PTPN12: variants seen among roughly 807,000 people sequenced by gnomAD.
PTPN12 encodes the protein protein tyrosine phosphatase non-receptor type 12.
In PTPN12, 29 loss-of-function variants were observed where a neutral mutation model predicts 97.6. The observed-to-expected ratio is 0.30, with a 90% CI of 0.22 to 0.41. The LOEUF (loss-of-function observed/expected upper bound fraction) is 0.41. Among genes scored for constraint, PTPN12 ranks in the 10% least tolerant of loss-of-function variants. The pLI, the probability that PTPN12 is intolerant of heterozygous loss-of-function variation, is 1.00. For synonymous variants in PTPN12, 327 were observed against 300.4 expected, an observed-to-expected ratio of 1.09 and a Z score of -0.91; for missense variants, 819 against 926.0, an observed-to-expected ratio of 0.88 and a Z score of 1.50.
At chr7:77,562,753 A>C (rs1459457896) in intron 1 of PTPN12, among the ~76,000 whole-genome samples, 1 of 152,186 alleles carries the variant, frequency 6.6e-6, no homozygotes, top group African/African-American at 2.4e-5. Context: ...CTTTCCATTT[A>C]TTGTATTAGA....
intron 1 of PTPN12, chr7:77,537,945 G>C (rs1806739456): frequency 1.3e-5 from 10 of 758,090 alleles, no homozygotes; most frequent in Non-Finnish European, 1.7e-5. Context: ...ATTGTTTACC[G>C]GGCCGGGAGC....
At chr7:77,618,665 AC>A (rs2151384462) in intron 12 of PTPN12, 100 bp downstream of exon 12, 3 of 792,102 alleles carry the variant, frequency 3.8e-6, no homozygotes, top group Admixed American at 5.2e-5. Context: ...TACTTTTATA[AC>A]TTTTATTATT....
At chr7:77,605,038 T>TTA (rs1562743003) in intron 8 of PTPN12, 1 of 172,430 alleles carries the variant, frequency 5.8e-6, no homozygotes, top group Non-Finnish European at 1.3e-5. Flanking sequence ...CTATCAAATT[T>TTA]TAGATATATA....
chr7:77,558,324 T>G (rs1807823331), intron 1 of PTPN12, among the ~76,000 whole-genome samples: 1 of 152,168 alleles, frequency 6.6e-6, no homozygotes, highest in South Asian at 2.1e-4. Context: ...AAGCCTGTTT[T>G]GGAAGGCAGT....
intron 7 of PTPN12, among the ~76,000 whole-genome samples, chr7:77,599,196 GT>G (rs919568157): frequency 6.7e-4 from 102 of 151,264 alleles, no homozygotes; most frequent in African/African-American, 2.5e-3. Flanking sequence ...TTATTGCATT[GT>G]TTATATAATT....
chr7:77,572,883 G>C (rs1345726658), intron 2 of PTPN12, among the ~76,000 whole-genome samples: 1 of 151,896 alleles, frequency 6.6e-6, no homozygotes, highest in African/African-American at 2.4e-5. Flanking sequence ...AGGAGTTCGC[G>C]ACCAGCCTGA....
At chr7:77,617,077 C>G (rs759370725) in intron 11 of PTPN12, among the ~76,000 whole-genome samples, 1 of 152,132 alleles carries the variant, frequency 6.6e-6, no homozygotes, top group Non-Finnish European at 1.5e-5. Flanking sequence ...GCCACTGCGC[C>G]CAGCCTAGGG....
intron 12 of PTPN12, 112 bp from the exon 13 acceptor site, chr7:77,626,593 A>T: frequency 8.3e-7 from 1 of 1,201,618 alleles, no homozygotes; most frequent in Non-Finnish European, 1.1e-6. Flanking sequence ...TGCAGTTTTT[A>T]TTCGCAACCA....
intron 13 of PTPN12, among the ~76,000 whole-genome samples, chr7:77,630,004 CTGTT>C (rs1789343419): frequency 6.8e-6 from 1 of 148,012 alleles, no homozygotes; most frequent in South Asian, 2.2e-4. Flanking sequence ...CAGCTCATTT[CTGTT>C]TGTTTGGTTT....
intron 13 of PTPN12, 116 bp from the exon 14 acceptor site, chr7:77,632,232 A>T: frequency 1.3e-6 from 1 of 784,308 alleles, no homozygotes; most frequent in Non-Finnish European, 2.1e-6. Flanking sequence ...ATTTTTTTGC[A>T]TTTTTAAAAA....
At chr7:77,638,836 T>G in intron 17 of PTPN12, 105 bp downstream of exon 17, 2 of 1,425,518 alleles carry the variant, frequency 1.4e-6, no homozygotes, top group Non-Finnish European at 1.8e-6. Context: ...TAAAACATGA[T>G]TTTCCAAAGT....
chr7:77,592,460 G>C (rs1286308611), intron 6 of PTPN12: 2 of 451,304 alleles, frequency 4.4e-6, no homozygotes, highest in Non-Finnish European at 7.7e-6. Context: ...TATTTTCCTT[G>C]TATCTTACTA....
chr7:77,592,232 G>C lies in PTPN12; in HGVS notation c.468G>C (p.Thr156=), dbSNP rs374368904. ...CTTTGTATGGAGAAGACCCCATAAC[G>C]TTTGCACCATTTAAAATTTCTTGTG... ...YWPLYGEDPI[T]FAPFKISCED... The change falls in exon 6 of 18, where the codon ACG becomes ACC. Residue 156 remains threonine, a synonymous_variant. Coordinates refer to ENST00000248594, the MANE Select transcript of PTPN12 (RefSeq NM_002835.4). 349 of 1,607,714 alleles carry C rather than the reference G, an allele frequency of 2.2e-4. No homozygotes were observed. Among genetic ancestry groups the C allele is most frequent in the Non-Finnish European group, 2.9e-4 (338 of 1,178,428 alleles).
intron 1 of PTPN12, among the ~76,000 whole-genome samples, chr7:77,542,745 C>T (rs1293014441): frequency 6.6e-6 from 1 of 151,868 alleles, no homozygotes; most frequent in Admixed American, 6.6e-5. Flanking sequence ...GACCAAACAA[C>T]ATTGTAGGAG....
intron 1 of PTPN12, among the ~76,000 whole-genome samples, chr7:77,543,566 G>A (rs117189603): frequency 0.018 from 2,782 of 152,114 alleles, 35 homozygotes; most frequent in Middle Eastern, 0.071. Flanking sequence ...TTCATTTAAA[G>A]TCTATGATTC....
At chr7:77,617,063 G>A (rs1562752919) in intron 11 of PTPN12, among the ~76,000 whole-genome samples, 1 of 152,182 alleles carries the variant, frequency 6.6e-6, no homozygotes, top group Admixed American at 6.6e-5. Context: ...GATTACAGGT[G>A]TGAGCCACTG....
In PTPN12 at chr7:77,537,488, T is replaced by C. The variant is rs1162331760; in HGVS notation, c.-59T>C. The C allele has an allele frequency of 2.5e-6, 3 of 1,196,816 alleles. No individual in the cohort carries two copies. The highest frequency in any genetic ancestry group is 3.2e-6 in the Non-Finnish European group (3 of 931,522). The allele number at this position is 1,196,816 out of a possible 1,614,324, so 74.1% of individuals were successfully genotyped here. On this transcript the variant is annotated 5_prime_UTR_variant, in exon 1 of 18. Transcript: ENST00000248594. ...GAGCTGGGGAAGACGGAGCGGGCTC[T>C]GTGCCGGGCGGGCGGGCGGCGGGGG... is the stretch of plus-strand genomic sequence containing the variant.
intron 15 of PTPN12, among the ~76,000 whole-genome samples, 191 bp downstream of exon 15, chr7:77,636,040 A>G (rs1584230093): frequency 6.6e-6 from 1 of 152,292 alleles, no homozygotes; most frequent in Middle Eastern, 3.4e-3. Flanking sequence ...ATTTTTTAAA[A>G]GGGTAACCTG....
chr7:77,557,501 A>T (rs1274306005), intron 1 of PTPN12, among the ~76,000 whole-genome samples: 1 of 152,062 alleles, frequency 6.6e-6, no homozygotes, highest in African/African-American at 2.4e-5. Context: ...TTAGCTTTTT[A>T]CTTGCTCTTA....
Sources: gnomAD v4.1 joint callset for allele counts (sites outside exome capture counted in the v4.1 genomes callset) on GRCh38, gnomAD v4.1.1 for gene constraint, MANE v1.5 for transcripts, NCBI Gene and HGNC (gene_info 2026-07-23, HGNC 2026-07-21) for gene names.